Variants in HDAC9 observed in about 807,000 individuals in gnomAD.
HDAC9 encodes histone deacetylase 9, also known as MEF-2 interacting transcription repressor (MITR) protein.
A neutral mutation model predicts 139.4 loss-of-function variants in HDAC9; 41 were observed. That is an observed-to-expected ratio of 0.29 (90% CI 0.23 to 0.38). HDAC9 has a LOEUF of 0.38. Ranked by LOEUF, HDAC9 falls within the 10% of genes least tolerant of loss-of-function variation. HDAC9 has a pLI of 1.00. For synonymous variants in HDAC9, 517 were observed against 476.2 expected (o/e 1.09, Z -1.12); for missense variants, 1,147 against 1,297.0 (o/e 0.88, Z 1.78).
At chr7:18,752,826 G>A (rs1357064004) in intron 14 of HDAC9, among the ~76,000 whole-genome samples, 1 of 152,142 alleles carries the variant, frequency 6.6e-6, no homozygotes, top group East Asian at 1.9e-4. Context: ...CACCACGTCT[G>A]TGTAGCCACT....
intron 22 of HDAC9, among the ~76,000 whole-genome samples, chr7:18,888,238 G>A (rs986215746): frequency 2.1e-4 from 32 of 152,040 alleles, no homozygotes; most frequent in African/African-American, 1.2e-4. Context: ...TGGCTAACAC[G>A]GTGAAACCCC....
At chr7:18,727,536 C>G (rs1463550123) in intron 12 of HDAC9, 44 bp from the exon 13 acceptor site, 1 of 1,519,788 alleles carries the variant, frequency 6.6e-7, no homozygotes, top group Non-Finnish European at 8.9e-7. Context: ...TCCCTCAATC[C>G]TTGTCTCACA....
At chr7:18,337,845 G>A (rs1781695381) in intron 1 of HDAC9, among the ~76,000 whole-genome samples, 1 of 151,680 alleles carries the variant, frequency 6.6e-6, no homozygotes, top group Admixed American at 6.6e-5. Flanking sequence ...ATCTATTTTT[G>A]TATAAAAATT....
At chr7:18,156,794 G>A (rs6976429) in intron 1 of HDAC9, among the ~76,000 whole-genome samples, 2 of 152,142 alleles carry the variant, frequency 1.3e-5, no homozygotes, top group African/African-American at 4.8e-5. Flanking sequence ...ACTTGGAGTG[G>A]TTGGCTAAGA....
At chr7:18,543,117 A>G (rs1813557436) in intron 2 of HDAC9, 1 of 152,168 alleles carries the variant, frequency 6.6e-6, no homozygotes, top group Non-Finnish European at 1.5e-5. Context: ...CACCTTTTAA[A>G]GTTATTTTTT....
intron 13 of HDAC9, 85 bp downstream of exon 13, chr7:18,727,842 C>A: frequency 9.3e-7 from 1 of 1,080,226 alleles, no homozygotes; most frequent in Non-Finnish European, 1.3e-6. Context: ...CTCTGAATAA[C>A]TCCAATAGCA....
chr7:18,993,219 T>A lies in HDAC9; in HGVS notation c.3171-2804T>A, dbSNP rs147790979. 3.0e-3 allele frequency among the ~76,000 whole-genome samples: 448 copies of A among 149,816 alleles called. 3 individuals are homozygous for A. Among genetic ancestry groups the A allele is most frequent in the Non-Finnish European group, 4.3e-3 (289 of 67,380 alleles). The stretch of plus-strand genomic sequence containing the variant: ...AGAGAGATACTATAAATTGTCCCAA[T>A]GGCAGATATAAATAATCCAGTTATT... On this transcript the variant is annotated intron_variant, in intron 25 of 25. Transcript: ENST00000686413.
chr7:18,410,820 G>A (rs904836361), intron 1 of HDAC9, among the ~76,000 whole-genome samples: 15 of 152,090 alleles, frequency 9.9e-5, no homozygotes, highest in Admixed American at 2.6e-4. Context: ...TTTAAATTGT[G>A]TATGTACTCC....
intron 1 of HDAC9, among the ~76,000 whole-genome samples, chr7:18,480,158 T>C (rs1795442285): frequency 6.6e-6 from 1 of 152,120 alleles, no homozygotes; most frequent in African/African-American, 2.4e-5. Context: ...TAGCTACTAG[T>C]TGTTGATTAA....
At chr7:18,618,588 C>T (rs1000218087) in intron 6 of HDAC9, among the ~76,000 whole-genome samples, 2 of 151,826 alleles carry the variant, frequency 1.3e-5, no homozygotes, top group African/African-American at 2.4e-5. Context: ...CACTCTCTCA[C>T]GCAGTCAGTT....
At chr7:18,667,163 T>C (rs896089427) in intron 12 of HDAC9, 2 of 985,194 alleles carry the variant, frequency 2.0e-6, no homozygotes, top group African/African-American at 1.7e-5. Context: ...ATGTCTCACA[T>C]AGCACTGCTC....
chr7:18,824,744 C>A (rs1562967020), intron 17 of HDAC9, among the ~76,000 whole-genome samples: 1 of 152,180 alleles, frequency 6.6e-6, no homozygotes, highest in African/African-American at 2.4e-5. Context: ...CTTCTCTCTG[C>A]CACCCTCATG....
chr7:18,361,190 G>A (rs1783748373), intron 1 of HDAC9, among the ~76,000 whole-genome samples: 2 of 152,094 alleles, frequency 1.3e-5, no homozygotes, highest in African/African-American at 4.8e-5. Flanking sequence ...TTGAAAGTTG[G>A]AGAGATGTAT....
At position 18,690,115 on chromosome 7, in the gene HDAC9, T is replaced by C. The variant is rs149175155; in HGVS notation, c.1731+23639T>C. Among the ~76,000 whole-genome samples, 527 of 152,086 alleles carry C rather than the reference T, an allele frequency of 3.5e-3. 1 individual carries two copies. Among genetic ancestry groups the C allele is most frequent in the Non-Finnish European group, 6.4e-3 (438 of 67,950 alleles). Reference sequence around the variant, plus strand: ...CCCACTGGTTCATTTCCAGACAGCATATTGCTGCTTGTCTCTCAACCCTTT... The same window carrying C: ...CCCACTGGTTCATTTCCAGACAGCACATTGCTGCTTGTCTCTCAACCCTTT... On this transcript the variant is annotated intron_variant, in intron 12 of 25. Coordinates refer to ENST00000686413, the MANE Select transcript of HDAC9 (RefSeq NM_178425.4).
chr7:18,096,882 T>TG (rs1782539157), intron 1 of HDAC9, among the ~76,000 whole-genome samples: 2 of 139,276 alleles, frequency 1.4e-5, no homozygotes, highest in Admixed American at 7.5e-5. Context: ...ACTTGTTGGC[T>TG]TTGTGTGTGT....
chr7:18,653,784 C>CT (rs1790153938), intron 11 of HDAC9, among the ~76,000 whole-genome samples: 1 of 152,076 alleles, frequency 6.6e-6, no homozygotes, highest in South Asian at 2.1e-4. Flanking sequence ...CTTTCATTAG[C>CT]TTTTGGAAGA....
At chr7:18,808,030 A>G (rs1230815859) in intron 17 of HDAC9, 2 of 152,172 alleles carry the variant, frequency 1.3e-5, no homozygotes, top group Non-Finnish European at 2.9e-5. Flanking sequence ...TAACAGGATA[A>G]TCTTGCTACT....
chr7:18,989,200 A>C (rs1282229802), intron 25 of HDAC9, among the ~76,000 whole-genome samples: 1 of 148,150 alleles, frequency 6.7e-6, no homozygotes, highest in Non-Finnish European at 1.5e-5. Flanking sequence ...AGTGGCTGGT[A>C]CCGGTTGTTC....
At chr7:18,102,671 A>C (rs1782927047) in intron 1 of HDAC9, among the ~76,000 whole-genome samples, 1 of 152,208 alleles carries the variant, frequency 6.6e-6, no homozygotes, top group Admixed American at 6.5e-5. Context: ...AAAGCACCTA[A>C]GTTTTAGCTG....
Sources: gnomAD v4.1 joint callset for allele counts (sites outside exome capture counted in the v4.1 genomes callset) on GRCh38, gnomAD v4.1.1 for gene constraint, MANE v1.5 for transcripts, NCBI Gene and HGNC (gene_info 2026-07-23, HGNC 2026-07-21) for gene names.